TCF7L2: variants seen among roughly 807,000 people sequenced by gnomAD.
The protein encoded by TCF7L2 is transcription factor 7 like 2, also known as transcription factor 7-like 2.
Under a neutral mutation model 77.9 loss-of-function variants are expected in TCF7L2, and 23 were observed. That is an observed-to-expected ratio of 0.30 (90% confidence interval 0.21 to 0.42). The LOEUF (loss-of-function observed/expected upper bound fraction) is 0.42. Ranked by LOEUF, TCF7L2 falls within the 10% of genes least tolerant of loss-of-function variation. TCF7L2 has a pLI of 1.00. For missense variants in TCF7L2, 654 were observed against 793.1 expected (o/e 0.82, Z 2.11); for synonymous variants, 413 against 340.2 (o/e 1.21, Z -2.36).
chr10:112,980,412 G>GCTA (rs1564739307), intron 4 of TCF7L2, among the ~76,000 whole-genome samples: 4 of 152,130 alleles, frequency 2.6e-5, no homozygotes. Flanking sequence ...AAGACCCAGG[G>GCTA]CTACTTAATT....
At chr10:113,003,171 A>T (rs754896809) in intron 4 of TCF7L2, among the ~76,000 whole-genome samples, 31 of 152,242 alleles carry the variant, frequency 2.0e-4, no homozygotes, top group Non-Finnish European at 4.3e-4. Flanking sequence ...TGGATATGCA[A>T]GTCGGCCTTC....
intron 4 of TCF7L2, among the ~76,000 whole-genome samples, chr10:113,014,854 T>C (rs963978711): frequency 2.0e-5 from 3 of 152,060 alleles, no homozygotes; most frequent in African/African-American, 7.2e-5. Flanking sequence ...TATGGGAGAC[T>C]TCAACCTTGG....
At position 112,950,570 on chromosome 10, in the gene TCF7L2, C is replaced by T; in HGVS notation, c.-187C>T. 2.0e-6 allele frequency: 1 copy of T among 502,880 alleles called. No homozygotes were observed. The highest frequency in any genetic ancestry group is 3.7e-5 in the East Asian group (1 of 26,862). 31.2% of individuals were successfully genotyped at this position (502,880 alleles called of 1,614,324 possible). On this transcript the variant is annotated 5_prime_UTR_variant, in exon 1 of 14. Coordinates refer to ENST00000627217, the MANE Select transcript of TCF7L2 (RefSeq NM_001146274.2). ...GTGCAGAAGATCTCCCCCCCCTTCC[C>T]CTCCCCTCCTCCCTCTTTTCCCCTC... is the stretch of plus-strand genomic sequence containing the variant.
At chr10:113,001,195 G>C (rs1564768145) in intron 4 of TCF7L2, among the ~76,000 whole-genome samples, 1 of 152,218 alleles carries the variant, frequency 6.6e-6, no homozygotes, top group African/African-American at 2.4e-5. Context: ...TCTTCGGATG[G>C]CTCCTGTGAA....
At chr10:112,975,430 G>A (rs774573360) in intron 4 of TCF7L2, among the ~76,000 whole-genome samples, 8 of 152,214 alleles carry the variant, frequency 5.3e-5, no homozygotes, top group Non-Finnish European at 7.4e-5. Context: ...AGAATTCTTC[G>A]TTGCAGGGGA....
chr10:112,989,711 C>T (rs966634210), intron 4 of TCF7L2, among the ~76,000 whole-genome samples: 2 of 152,118 alleles, frequency 1.3e-5, no homozygotes, highest in African/African-American at 2.4e-5. Flanking sequence ...TCTACCTTCT[C>T]GGACACTGTT....
rs541697532 is a variant in TCF7L2 at position 113,125,259 on chromosome 10, G to A, written c.553-15925G>A. On this transcript the variant is annotated intron_variant, in intron 5 of 13. Transcript: ENST00000627217. Reference sequence around the variant, plus strand: ...AAGATTTCAGAAAAAAAAAAAAGTCGTCTTTTTCTTTAGAACAGTATGAAT... The same window carrying A: ...AAGATTTCAGAAAAAAAAAAAAGTCATCTTTTTCTTTAGAACAGTATGAAT... Among the ~76,000 whole-genome samples the A allele has an allele frequency of 1.5e-4, 22 of 150,058 alleles. No individual in the cohort carries two copies. The South Asian group carries it at 4.0e-3, about 27-fold the overall frequency.
chr10:113,146,230 G>T, intron 8 of TCF7L2, 133 bp downstream of exon 8: 1 of 766,886 alleles, frequency 1.3e-6, no homozygotes, highest in Non-Finnish European at 2.1e-6. Flanking sequence ...TGTGGCATTA[G>T]GCTGTACTCC....
intron 4 of TCF7L2, among the ~76,000 whole-genome samples, chr10:113,029,577 A>G (rs2049850879): frequency 7.6e-6 from 1 of 132,330 alleles, no homozygotes; most frequent in South Asian, 2.3e-4. Flanking sequence ...CCCAGGCTTG[A>G]GTGCAATGGC....
chr10:112,999,524 G>A (rs2044100583), intron 4 of TCF7L2, among the ~76,000 whole-genome samples: 1 of 152,220 alleles, frequency 6.6e-6, no homozygotes, highest in African/African-American at 2.4e-5. Context: ...AGGAGGAGAG[G>A]AAGCTACCCA....
intron 2 of TCF7L2, 30 bp from the exon 3 acceptor site, chr10:112,951,453 C>A: frequency 7.2e-7 from 1 of 1,394,144 alleles, no homozygotes; most frequent in Non-Finnish European, 9.5e-7. Flanking sequence ...GCGCGGCCGC[C>A]GCTGTCCCCT....
At chr10:112,992,722 C>G (rs1410718909) in intron 4 of TCF7L2, among the ~76,000 whole-genome samples, 2 of 152,112 alleles carry the variant, frequency 1.3e-5, no homozygotes, top group South Asian at 2.1e-4. Context: ...AAGCAGACCC[C>G]CTCTGTGACT....
intron 3 of TCF7L2, among the ~76,000 whole-genome samples, chr10:112,961,335 T>C (rs1015343727): frequency 1.3e-5 from 2 of 150,064 alleles, no homozygotes; most frequent in Non-Finnish European, 2.9e-5. Context: ...ACCTGGTTTT[T>C]AAACTCAGAT....
chr10:113,067,356 T>C (rs2057390532), intron 5 of TCF7L2, among the ~76,000 whole-genome samples: 1 of 152,222 alleles, frequency 6.6e-6, no homozygotes. Context: ...AATTTTCAAA[T>C]GCTTGGACTG....
At chr10:112,971,057 G>A (rs1433751504) in intron 4 of TCF7L2, among the ~76,000 whole-genome samples, 1 of 152,148 alleles carries the variant, frequency 6.6e-6, no homozygotes, top group Non-Finnish European at 1.5e-5. Context: ...GCTAATTTAA[G>A]TCCATACCTC....
At chr10:113,139,836 A>G (rs2068031124) in intron 5 of TCF7L2, among the ~76,000 whole-genome samples, 1 of 151,486 alleles carries the variant, frequency 6.6e-6, no homozygotes, top group Non-Finnish European at 1.5e-5. Context: ...AAAAAGGACA[A>G]GAAGAGAAAT....
Position 113,011,628 on chromosome 10 carries a change from G to C in TCF7L2, c.451-28397G>C, listed in dbSNP as rs2046463758. ...ACTGTCGAATTTTACTACCTTGAGTGTTGCTGTTGAGTATTACTACCTTGA... is the reference window on the plus strand; with the variant it reads ...ACTGTCGAATTTTACTACCTTGAGTCTTGCTGTTGAGTATTACTACCTTGA... On this transcript the variant is annotated intron_variant, in intron 4 of 13. Coordinates refer to ENST00000627217, the MANE Select transcript of TCF7L2 (RefSeq NM_001146274.2). Among the ~76,000 whole-genome samples, 4 of 150,830 alleles carry C rather than the reference G, an allele frequency of 2.7e-5. No homozygotes were observed. In the South Asian group the frequency reaches 8.3e-4, roughly 31 times the overall value.
intron 5 of TCF7L2, among the ~76,000 whole-genome samples, chr10:113,107,752 TAAAAAAAAA>T (rs398014821): frequency 3.6e-5 from 2 of 55,250 alleles, no homozygotes; most frequent in African/African-American, 6.6e-5. Context: ...AGACTCCGTC[TAAAAAAAAA>T]AAAAAAAAAA....
At chr10:113,090,594 T>C (rs533532361) in intron 5 of TCF7L2, among the ~76,000 whole-genome samples, 2 of 152,308 alleles carry the variant, frequency 1.3e-5, no homozygotes, top group South Asian at 4.1e-4. Context: ...ATACCTATAC[T>C]CTTATTACCT....
Sources: gnomAD v4.1 joint callset for allele counts (sites outside exome capture counted in the v4.1 genomes callset) on GRCh38, gnomAD v4.1.1 for gene constraint, MANE v1.5 for transcripts, NCBI Gene and HGNC (gene_info 2026-07-23, HGNC 2026-07-21) for gene names.